The following PHACTR2 variants were observed in gnomAD, a reference collection of about 807,000 sequenced individuals.
The protein encoded by PHACTR2 is chromosome 6 open reading frame 56.
Under a neutral mutation model 76.0 loss-of-function variants are expected in PHACTR2, and 30 were observed. That is an observed-to-expected ratio of 0.39 (90% CI 0.30 to 0.54). PHACTR2 has a LOEUF of 0.54. Ranked by LOEUF, PHACTR2 falls within the 20% of genes least tolerant of loss-of-function variation. PHACTR2 has a pLI of 0.61. For missense variants in PHACTR2, 696 were observed against 781.1 expected, an observed-to-expected ratio of 0.89 and a Z score of 1.30; for synonymous variants, 292 against 292.5, an observed-to-expected ratio of 1.00 and a Z score of 0.02.
At chr6:143,746,061 G>C (rs1779058539) in intron 2 of PHACTR2, among the ~76,000 whole-genome samples, 1 of 152,224 alleles carries the variant, frequency 6.6e-6, no homozygotes, top group Non-Finnish European at 1.5e-5. Flanking sequence ...AAGAAACCTG[G>C]TATGTTTCAG....
chr6:143,672,594 G>C lies in PHACTR2; in HGVS notation c.14-39422G>C, dbSNP rs1777174339. Among the ~76,000 whole-genome samples, 1 of 152,222 alleles carries C rather than the reference G, an allele frequency of 6.6e-6. No individual in the cohort carries two copies. The highest frequency in any genetic ancestry group is 1.5e-5 in the Non-Finnish European group (1 of 68,038). On this transcript the variant is annotated intron_variant, in intron 1 of 11. Coordinates refer to the PHACTR2 transcript ENST00000305766. The surrounding 1 kb of genome is among the most constrained non-coding windows in gnomAD (Gnocchi z 5.8). ...CACAATCTTAGGGCACCTTCAGAAT[G>C]AATGAGCACCTCTGTGTGGCAAAAA... is the stretch of plus-strand genomic sequence containing the variant.
intron 1 of PHACTR2, among the ~76,000 whole-genome samples, chr6:143,704,271 G>A (rs961046939): frequency 2.0e-5 from 3 of 152,112 alleles, no homozygotes; most frequent in African/African-American, 7.2e-5. Flanking sequence ...TCCATCATGT[G>A]CTAAAAAGTG....
chr6:143,682,369 C>T (rs1018866159), intron 1 of PHACTR2, among the ~76,000 whole-genome samples: 12 of 152,290 alleles, frequency 7.9e-5, no homozygotes, highest in African/African-American at 2.6e-4. Context: ...TGGTGCCCAC[C>T]ACCATGCCCA....
At chr6:143,677,630 C>T (rs1278587848), upstream of PHACTR2, among the ~76,000 whole-genome samples, 1 of 152,114 alleles carries the variant, frequency 6.6e-6, no homozygotes, top group Non-Finnish European at 1.5e-5. Flanking sequence ...GAGAGTGCCA[C>T]AATACTGCAA....
rs1239627140 is a variant in PHACTR2 at position 143,580,262 on chromosome 6, G to T, written c.217+43055G>T. Among the ~76,000 whole-genome samples the T allele has an allele frequency of 6.6e-6, 1 of 152,158 alleles. No individual in the cohort carries two copies. The highest frequency in any genetic ancestry group is 2.4e-5 in the African/African-American group (1 of 41,440). On this transcript the variant is annotated intron_variant, in intron 1 of 11. Coordinates refer to the PHACTR2 transcript ENST00000367584. The surrounding 1 kb of genome is among the most constrained non-coding windows in gnomAD (Gnocchi z 4.2). ...GCACTTTGGGAGGCCAAGGCAGGCA[G>T]ATCACGAGGTCAGGAAATCGAGACC...
rs888749858 is a variant in PHACTR2, at chr6:143,672,157, G to A, written c.14-39859G>A. ...AAGTTTTCTGACACTTGAGTGTGCT[G>A]TTGGTTGGACTACATGTTTATTAAA... On this transcript the variant is annotated intron_variant, in intron 1 of 11. Transcript: ENST00000305766. The surrounding 1 kb of genome is among the most constrained non-coding windows in gnomAD (Gnocchi z 5.8). Among the ~76,000 whole-genome samples the A allele has an allele frequency of 4.6e-5, 7 of 152,086 alleles. No individual in the cohort carries two copies. The highest frequency in any genetic ancestry group is 1.4e-4 in the African/African-American group (6 of 41,394).
chr6:143,690,257 C>G (rs1021960432), intron 1 of PHACTR2, among the ~76,000 whole-genome samples: 1 of 152,224 alleles, frequency 6.6e-6, no homozygotes, highest in Non-Finnish European at 1.5e-5. Flanking sequence ...TTAAGAGCTT[C>G]ATACATAGCC....
At chr6:143,736,800 T>C (rs1209822382) in intron 2 of PHACTR2, among the ~76,000 whole-genome samples, 1 of 151,832 alleles carries the variant, frequency 6.6e-6, no homozygotes, top group Non-Finnish European at 1.5e-5. Context: ...GGTCTCGATC[T>C]CCTGACCTCG....
In PHACTR2 at chr6:143,775,675, G is replaced by C. The variant is rs988298085; in HGVS notation, c.1589+1460G>C. Among the ~76,000 whole-genome samples the C allele has an allele frequency of 2.0e-5, 3 of 152,128 alleles. No homozygotes were observed. In the East Asian group the frequency reaches 5.8e-4, roughly 29 times the overall value. On this transcript the variant is annotated intron_variant, in intron 8 of 12. Transcript: ENST00000440869. The surrounding 1 kb of genome is among the most constrained non-coding windows in gnomAD (Gnocchi z 4.4). Reference sequence around the variant, plus strand: ...GTATATGCTTCTAGGTTTTCTGATTGTTTTATTACTCTTGTTTATGTTTTA... The same window carrying C: ...GTATATGCTTCTAGGTTTTCTGATTCTTTTATTACTCTTGTTTATGTTTTA...
rs976863444 is a variant in PHACTR2 at position 143,774,559 on chromosome 6, T to A, written c.1589+344T>A. On this transcript the variant is annotated intron_variant, in intron 8 of 12. Coordinates refer to ENST00000440869, the MANE Select transcript of PHACTR2 (RefSeq NM_001100164.2). This position sits in a 1 kb window ranked among gnomAD's most constrained non-coding sequence, Gnocchi z 5.4. ...CAGCCATAAATAATAGATAAACAAA[T>A]GAGTGTGGCCATGTTCCAATAAAAC... Among the ~76,000 whole-genome samples the A allele has an allele frequency of 6.6e-6, 1 of 152,164 alleles. No individual in the cohort carries two copies. Among genetic ancestry groups the A allele is most frequent in the African/African-American group, 2.4e-5 (1 of 41,434 alleles).
chr6:143,586,811 T>G (rs1332734480), intron 1 of PHACTR2, among the ~76,000 whole-genome samples: 1 of 152,210 alleles, frequency 6.6e-6, no homozygotes, highest in African/African-American at 2.4e-5. Context: ...AATTGAAAAC[T>G]GCTTCTGCCC....
At chr6:143,609,925 G>C (rs1023826909) in intron 1 of PHACTR2, among the ~76,000 whole-genome samples, 3 of 152,138 alleles carry the variant, frequency 2.0e-5, no homozygotes, top group African/African-American at 7.2e-5. Context: ...GTTATTAAAT[G>C]CAATTAATAA....
In PHACTR2 at chr6:143,730,500, A is replaced by T. The variant is rs1393322609; in HGVS notation, c.214+18317A>T. On this transcript the variant is annotated intron_variant, in intron 2 of 12. Coordinates refer to ENST00000440869, the MANE Select transcript of PHACTR2 (RefSeq NM_001100164.2). This position sits in a 1 kb window ranked among gnomAD's most constrained non-coding sequence, Gnocchi z 4.8. ...TCATGCTACCTTATTAAACTCACTT[A>T]TCAGTTCTAGTAGTTCTAGTGAAAA... is the stretch of plus-strand genomic sequence containing the variant. 6.6e-6 allele frequency among the ~76,000 whole-genome samples: 1 copy of T among 152,184 alleles called. No homozygotes were observed. The highest frequency in any genetic ancestry group is 1.5e-5 in the Non-Finnish European group (1 of 68,026).
At chr6:143,713,665 TGTGCTAAACTCGGAG>T (rs1778234264) in intron 2 of PHACTR2, among the ~76,000 whole-genome samples, 1 of 152,148 alleles carries the variant, frequency 6.6e-6, no homozygotes, top group Non-Finnish European at 1.5e-5. Flanking sequence ...GGTAGTTGAA[TGTGCTAAACTCGGAG>T]GTGCTTCAGT....
chr6:143,760,420 T>C lies in PHACTR2; in HGVS notation c.474T>C (p.Ser158=). ...EDKKENTENH[S]ETPAAPALPP... The stretch of plus-strand genomic sequence containing the variant: ...TTATAGAGAACACTGAAAACCACTC[T>C]GAAACACCGGCAGCTCCTGCTCTAC... The change falls in exon 5 of 13, where the codon TCT becomes TCC. Residue 158 remains serine, a synonymous_variant. Transcript: ENST00000440869. This position sits in a 1 kb window ranked among gnomAD's most constrained non-coding sequence, Gnocchi z 6.4. The C allele has an allele frequency of 6.2e-7, 1 of 1,612,204 alleles. No individual in the cohort carries two copies. Among genetic ancestry groups the C allele is most frequent in the Non-Finnish European group, 8.5e-7 (1 of 1,179,014 alleles).
rs1437683993 is a variant in PHACTR2, at chr6:143,662,125, T to C, written c.14-49891T>C. On this transcript the variant is annotated intron_variant, in intron 1 of 11. Transcript: ENST00000305766. This position sits in a 1 kb window ranked among gnomAD's most constrained non-coding sequence, Gnocchi z 4.7. ...CCCCCTTTCTCAGCTCCCATCTTTATCACCTGTTTGGAGAATGTGTCAACA... is the reference window on the plus strand; with the variant it reads ...CCCCCTTTCTCAGCTCCCATCTTTACCACCTGTTTGGAGAATGTGTCAACA... Among the ~76,000 whole-genome samples, 1 of 152,200 alleles carries C rather than the reference T, an allele frequency of 6.6e-6. No individual in the cohort carries two copies. Among genetic ancestry groups the C allele is most frequent in the East Asian group, 1.9e-4 (1 of 5,194 alleles).
rs111704474 is a variant in PHACTR2 at position 143,801,332 on chromosome 6, A to T, written c.1846-5725A>T. Among the ~76,000 whole-genome samples the T allele has an allele frequency of 0.013, 1,909 of 152,256 alleles. 46 individuals are homozygous for T. Among genetic ancestry groups the T allele is most frequent in the African/African-American group, 0.044 (1,842 of 41,530 alleles). ...TATTCTCCCCATCACTTTCAGGTAC[A>T]CCAATCAAACGTAGATTTGGTCTTT... On this transcript the variant is annotated intron_variant, in intron 11 of 12. Coordinates refer to ENST00000440869, the MANE Select transcript of PHACTR2 (RefSeq NM_001100164.2). The surrounding 1 kb of genome is among the most constrained non-coding windows in gnomAD (Gnocchi z 4.6).
intron 1 of PHACTR2, among the ~76,000 whole-genome samples, chr6:143,538,525 A>G (rs1781140550): frequency 6.6e-6 from 1 of 152,214 alleles, no homozygotes; most frequent in African/African-American, 2.4e-5. Flanking sequence ...AACTACCCAT[A>G]GCGGCAAAAG....
At chr6:143,810,275 A>T (rs1210577242) in intron 12 of PHACTR2, among the ~76,000 whole-genome samples, 1 of 152,088 alleles carries the variant, frequency 6.6e-6, no homozygotes, top group Non-Finnish European at 1.5e-5. Flanking sequence ...GACTTTCTTT[A>T]TGCATATATC....
Sources: allele counts gnomAD v4.1 joint callset (sites outside exome capture counted in the v4.1 genomes callset), GRCh38; gene constraint gnomAD v4.1.1; non-coding constraint Gnocchi (gnomAD v3.1); transcripts MANE v1.5; gene names NCBI Gene and HGNC (gene_info 2026-07-23, HGNC 2026-07-21).